The following ENDOV variants were observed in gnomAD, a reference collection of about 807,000 sequenced individuals.
ENDOV encodes endonuclease V.
A neutral mutation model predicts 39.4 loss-of-function variants in ENDOV; 37 were observed. The observed-to-expected ratio is 0.94, with a 90% CI of 0.72 to 1.23. ENDOV has a LOEUF of 1.23. Ranked by LOEUF, ENDOV falls within the 50% of genes most tolerant of loss-of-function variation. ENDOV has a pLI of 0.00. For synonymous variants in ENDOV, 186 were observed against 163.4 expected (o/e 1.14, Z -1.05); for missense variants, 441 against 375.7 (o/e 1.17, Z -1.44).
chr17:80,435,646 G>A lies in ENDOV; in HGVS notation c.839-487G>A, dbSNP rs938521769. Among the ~76,000 whole-genome samples, 5 of 152,002 alleles carry A rather than the reference G, an allele frequency of 3.3e-5. 1 individual carries two copies. In the South Asian group the frequency reaches 1.0e-3, roughly 32 times the overall value. ...ATTTTTTTTTTTGAGACAGAGTCTC[G>A]CTGTGTCGCCCAGGCTGGTGTGCGG... On this transcript the variant is annotated intron_variant, in intron 9 of 9. Transcript: ENST00000518137.
intron 9 of ENDOV, among the ~76,000 whole-genome samples, chr17:80,432,505 C>A (rs1424376843): frequency 6.6e-6 from 1 of 152,088 alleles, no homozygotes; most frequent in Admixed American, 6.5e-5. Context: ...GGCAGTAACA[C>A]CAACCGAGCA....
At chr17:80,432,786 G>C (rs958572272) in intron 9 of ENDOV, among the ~76,000 whole-genome samples, 1 of 152,028 alleles carries the variant, frequency 6.6e-6, no homozygotes, top group African/African-American at 2.4e-5. Context: ...TGGGGGTCTA[G>C]GCAGGGGAGC....
intron 9 of ENDOV, among the ~76,000 whole-genome samples, chr17:80,434,618 G>A (rs1046108866): frequency 3.3e-5 from 5 of 152,116 alleles, no homozygotes; most frequent in African/African-American, 1.2e-4. Flanking sequence ...ATTATCTGCC[G>A]CTTAGATTCT....
rs1355108949 is a variant in ENDOV, at chr17:80,415,757, T to C, written c.164T>C (p.Phe55Ser). The change falls in exon 2 of 10, where the codon TTC becomes TCC. Residue 55 changes from phenylalanine to serine, a missense_variant. Phe to Ser is a radical substitution (Grantham distance 155). Transcript: ENST00000518137. Reference protein sequence around the residue: ...LQRVGGVDVSFVKGDSVRACA... With the variant: ...LQRVGGVDVSSVKGDSVRACA... The stretch of plus-strand genomic sequence containing the variant: ...AGGGTCGGGGGCGTTGACGTGTCCT[T>C]CGTGAAAGGGGACAGTGTCCGCGCT... 1 of 1,606,060 alleles carries C rather than the reference T, an allele frequency of 6.2e-7. No homozygotes were observed. Among genetic ancestry groups the C allele is most frequent in the South Asian group, 1.1e-5 (1 of 89,472 alleles).
intron 9 of ENDOV, among the ~76,000 whole-genome samples, chr17:80,431,051 C>T (rs41301888): frequency 0.035 from 5,287 of 152,318 alleles, 164 homozygotes; most frequent in East Asian, 0.19. Flanking sequence ...TGGAATCTGC[C>T]ACAGAGCATG....
intron 9 of ENDOV, among the ~76,000 whole-genome samples, chr17:80,434,914 C>A (rs2083514498): frequency 6.6e-6 from 1 of 152,100 alleles, no homozygotes; most frequent in African/African-American, 2.4e-5. Flanking sequence ...CCACTGCATT[C>A]CAGCCTGGGT....
chr17:80,429,947 CAAG>C (rs574861765), intron 9 of ENDOV, 116 bp downstream of exon 9: 60 of 1,580,816 alleles, frequency 3.8e-5, no homozygotes, highest in Non-Finnish European at 4.7e-5. Context: ...ACCATGAAGA[CAAG>C]AAGGCCACCG....
In ENDOV at chr17:80,423,532, C is replaced by A; in HGVS notation, c.416C>A (p.Ala139Asp). The change falls in exon 5 of 10, where the codon GCC becomes GAC. Residue 139 changes from alanine (A) to aspartate (D), a missense_variant. Physicochemically the swap from Ala to Asp is moderately radical, Grantham distance 126. Transcript: ENST00000518137. ...TTCTCTCTGGCAGGCTTTGGGGTGG[C>A]CTGCCACCTTGGCGTCCTTACAGAC... ...GVLHHRGFGV[A>D]CHLGVLTDLP... 6.8e-7 allele frequency: 1 copy of A among 1,465,538 alleles called. No homozygotes were observed. Among genetic ancestry groups the A allele is most frequent in the Non-Finnish European group, 9.1e-7 (1 of 1,095,236 alleles). 90.8% of individuals were successfully genotyped at this position (1,465,538 alleles called of 1,614,324 possible).
chr17:80,415,814 AGC>A lies in ENDOV; in HGVS notation c.222_223del (p.Glu74AspfsTer6). 6.3e-7 allele frequency: 1 copy of A among 1,593,422 alleles called. No homozygotes were observed. Among genetic ancestry groups the A allele is most frequent in the Non-Finnish European group, 8.5e-7 (1 of 1,170,138 alleles). ...TCCCTGGTGGTGCTCAGCTTCCCTG[AGC>A]TCGAGGTAACCTGGGAGGACGCCGA... On this transcript the variant is annotated frameshift_variant, in exon 2 of 10. Transcript: ENST00000518137. LOFTEE classifies it high-confidence loss of function.
chr17:80,415,208 C>G lies in ENDOV; in HGVS notation c.14C>G (p.Ala5Gly). 3 of 1,613,242 alleles carry G rather than the reference C, an allele frequency of 1.9e-6. No homozygotes were observed. Among genetic ancestry groups the G allele is most frequent in the Non-Finnish European group, 2.5e-6 (3 of 1,179,664 alleles). MALE[A>G]AGGPPEETLS... ...CGGGACGAAGCCATGGCCCTGGAGG[C>G]GGCGGGAGGGCCGCCGGAGGAAACG... The change falls in exon 1 of 10, where the codon GCG becomes GGG. Residue 5 changes from alanine to glycine, a missense_variant. Coordinates refer to ENST00000518137, the MANE Select transcript of ENDOV (RefSeq NM_173627.5).
intron 8 of ENDOV, 58 bp from the exon 9 acceptor site, chr17:80,429,715 G>GGACCCCATCT: frequency 6.6e-7 from 1 of 1,505,808 alleles, no homozygotes; most frequent in Non-Finnish European, 9.0e-7. Flanking sequence ...TGGGGTGTGA[G>GGACCCCATCT]GGGGTGTCAG....
At chr17:80,426,966 C>A (rs2082762141) in intron 7 of ENDOV, among the ~76,000 whole-genome samples, 1 of 152,246 alleles carries the variant, frequency 6.6e-6, no homozygotes, top group Non-Finnish European at 1.5e-5. Flanking sequence ...CTGCAGCCTG[C>A]CCTGGGGCAG....
intron 9 of ENDOV, chr17:80,430,066 G>A (rs1331447198): frequency 1.3e-6 from 2 of 1,535,804 alleles, no homozygotes; most frequent in Non-Finnish European, 1.7e-6. Flanking sequence ...CCCAAAGACA[G>A]GCTGACCGCA....
rs745701608 is a variant in ENDOV at position 80,425,536 on chromosome 17, C to T, written c.630C>T (p.Ser210=). The T allele has an allele frequency of 2.3e-5, 37 of 1,595,952 alleles. No homozygotes were observed. The East Asian group carries it at 5.9e-4, about 25-fold the overall frequency. ...HDRSTRPLYI[S]VGHRMSLEAA... ...GCAGCACCAGGCCCCTCTACATCTC[C>T]GTGGGCCACAGGATGAGCCTGGAGG... is the stretch of plus-strand genomic sequence containing the variant. The change falls in exon 7 of 10, where the codon TCC becomes TCT. Residue 210 remains serine (S), a synonymous_variant. Coordinates refer to ENST00000518137, the MANE Select transcript of ENDOV (RefSeq NM_173627.5).
At chr17:80,418,342 C>G (rs141609456) in intron 2 of ENDOV, 1 of 152,254 alleles carries the variant, frequency 6.6e-6, no homozygotes, top group Non-Finnish European at 1.5e-5. Flanking sequence ...ATCACCTCAT[C>G]TGCATCCTGG....
intron 9 of ENDOV, among the ~76,000 whole-genome samples, chr17:80,430,845 A>T (rs537559506): frequency 1.3e-5 from 2 of 152,234 alleles, no homozygotes; most frequent in East Asian, 3.9e-4. Context: ...AACTGTCTCC[A>T]CTGTGGGAAA....
At chr17:80,429,709 G>C in intron 8 of ENDOV, 64 bp from the exon 9 acceptor site, 7 of 1,478,546 alleles carry the variant, frequency 4.7e-6, no homozygotes, top group Non-Finnish European at 6.4e-6. Context: ...CCCATCTGGG[G>C]TGTGAGGGGG....
At chr17:80,427,247 C>T (rs1423921770) in intron 7 of ENDOV, among the ~76,000 whole-genome samples, 1 of 152,230 alleles carries the variant, frequency 6.6e-6, no homozygotes, top group Non-Finnish European at 1.5e-5. Flanking sequence ...CCAACTCAGC[C>T]GTGTGGTCTT....
chr17:80,427,601 C>T (rs975527317), intron 7 of ENDOV: 66 of 1,129,066 alleles, frequency 5.8e-5, no homozygotes, highest in Middle Eastern at 2.5e-4. Context: ...AGCCGAGGAT[C>T]GTGTCCTGCA....
Sources: gnomAD v4.1 joint callset for allele counts (sites outside exome capture counted in the v4.1 genomes callset) on GRCh38, gnomAD v4.1.1 for gene constraint, MANE v1.5 for transcripts, NCBI Gene and HGNC (gene_info 2026-07-23, HGNC 2026-07-21) for gene names.